Variants in CREB5 observed in about 807,000 individuals in gnomAD.
CREB5 encodes the protein cAMP responsive element binding protein 5.
A neutral mutation model predicts 57.1 loss-of-function variants in CREB5; 19 were observed. The ratio of observed to expected loss-of-function variants is 0.33; its 90% CI spans 0.23 to 0.49. The LOEUF (loss-of-function observed/expected upper bound fraction) is 0.49. Ranked by LOEUF, CREB5 falls within the 20% of genes least tolerant of loss-of-function variation. CREB5 has a pLI of 0.99. For missense variants in CREB5, 579 were observed against 671.6 expected (o/e 0.86, Z 1.52); for synonymous variants, 238 against 238.3 (o/e 1.00, Z 0.01).
chr7:28,349,582 A>G (rs1009930762), intron 1 of CREB5, among the ~76,000 whole-genome samples: 15 of 152,284 alleles, frequency 9.9e-5, no homozygotes, highest in Admixed American at 7.2e-4. Context: ...CTTACGGCCT[A>G]TGAACCAACT....
intron 5 of CREB5, among the ~76,000 whole-genome samples, chr7:28,714,155 GA>G (rs1179876225): frequency 1.3e-5 from 2 of 152,006 alleles, no homozygotes; most frequent in African/African-American, 4.8e-5. Context: ...TGTAGAGACA[GA>G]GTTTTTCCAT....
chr7:28,540,869 G>A (rs1794179748), intron 4 of CREB5, among the ~76,000 whole-genome samples: 1 of 152,120 alleles, frequency 6.6e-6, no homozygotes, highest in South Asian at 2.1e-4. Flanking sequence ...GAGCATGTGG[G>A]AGAGCTTCTT....
chr7:28,580,800 G>T (rs570142705), intron 5 of CREB5, among the ~76,000 whole-genome samples: 8 of 152,032 alleles, frequency 5.3e-5, no homozygotes, highest in Non-Finnish European at 1.0e-4. Flanking sequence ...GAACACAAAG[G>T]CCCGACCAAT....
chr7:28,553,254 C>T (rs1794741764), intron 4 of CREB5, among the ~76,000 whole-genome samples: 1 of 152,152 alleles, frequency 6.6e-6, no homozygotes, highest in South Asian at 2.1e-4. Flanking sequence ...ATGCACCAGG[C>T]CTTTTCCTGA....
chr7:28,783,356 A>AT (rs918241371), intron 7 of CREB5, among the ~76,000 whole-genome samples: 3 of 151,908 alleles, frequency 2.0e-5, no homozygotes, highest in Admixed American at 1.3e-4. Flanking sequence ...CTCACCATCC[A>AT]TTTTTTTTGT....
At chr7:28,461,693 A>T (rs1163720658) in intron 1 of CREB5, among the ~76,000 whole-genome samples, 2 of 152,160 alleles carry the variant, frequency 1.3e-5, no homozygotes, top group Non-Finnish European at 2.9e-5. Flanking sequence ...TGATTAGTAA[A>T]ACGATTTCGT....
intron 4 of CREB5, among the ~76,000 whole-genome samples, chr7:28,551,490 C>T (rs1021570159): frequency 9.2e-5 from 14 of 152,156 alleles, no homozygotes; most frequent in African/African-American, 3.4e-4. Context: ...TGGTGACTAA[C>T]CCTTTTTGTG....
intron 5 of CREB5, among the ~76,000 whole-genome samples, chr7:28,673,982 C>CT (rs1441617097): frequency 1.3e-5 from 2 of 152,036 alleles, no homozygotes; most frequent in African/African-American, 4.8e-5. Context: ...CAATTTATCT[C>CT]TTGCATATGA....
intron 1 of CREB5, among the ~76,000 whole-genome samples, chr7:28,348,406 T>TCA (rs1300372973): frequency 1.2e-4 from 4 of 32,118 alleles, no homozygotes; most frequent in African/African-American, 3.8e-4. Context: ...TGTCTCTCTC[T>TCA]CTCACACACA....
At chr7:28,320,079 T>C (rs1054137946) in intron 1 of CREB5, among the ~76,000 whole-genome samples, 1 of 152,032 alleles carries the variant, frequency 6.6e-6, no homozygotes, top group African/African-American at 2.4e-5. Flanking sequence ...TACAGCTGCG[T>C]GCCACCATGC....
At chr7:28,568,687 T>A (rs1024471461) in intron 4 of CREB5, among the ~76,000 whole-genome samples, 16 of 152,090 alleles carry the variant, frequency 1.1e-4, no homozygotes, top group Non-Finnish European at 2.9e-5. Flanking sequence ...GCCTTTGGGG[T>A]CCCACAACGA....
At chr7:28,408,484 C>G (rs1355448015), upstream of CREB5, among the ~76,000 whole-genome samples, 2 of 152,156 alleles carry the variant, frequency 1.3e-5, no homozygotes, top group South Asian at 4.1e-4. Context: ...ACCAGGCGCC[C>G]GGATCCTGCA....
chr7:28,638,046 TC>T (rs1047522802), intron 5 of CREB5, among the ~76,000 whole-genome samples: 5 of 152,160 alleles, frequency 3.3e-5, no homozygotes, highest in African/African-American at 1.2e-4. Flanking sequence ...AGAGACTCTT[TC>T]CTGAGTGTAA....
intron 1 of CREB5, among the ~76,000 whole-genome samples, chr7:28,346,264 C>A (rs899554546): frequency 6.6e-6 from 1 of 152,194 alleles, no homozygotes; most frequent in African/African-American, 2.4e-5. Flanking sequence ...TCTCATAGTT[C>A]TGGAGGCTGA....
In CREB5 at chr7:28,450,300, G is replaced by C. The variant is rs117948395; in HGVS notation, c.3+37383G>C. Among the ~76,000 whole-genome samples, 1,115 of 152,272 alleles carry C rather than the reference G, an allele frequency of 7.3e-3. 9 individuals carry two copies. The highest frequency in any genetic ancestry group is 0.012 in the Non-Finnish European group (814 of 68,022). On this transcript the variant is annotated intron_variant, in intron 1 of 10. Transcript: ENST00000357727. ...ATGCCTAGCTGAGTTTTGAATCATG[G>C]ACATCTGAAGGCTTTACATAATATG...
At chr7:28,435,715 G>C in intron 1 of CREB5, 1 of 954,412 alleles carries the variant, frequency 1.0e-6, no homozygotes, top group Non-Finnish European at 1.2e-6. Context: ...TATAATACTC[G>C]TGTGACAGAT....
intron 6 of CREB5, among the ~76,000 whole-genome samples, chr7:28,720,779 C>T (rs1048688996): frequency 6.6e-6 from 1 of 152,164 alleles, no homozygotes; most frequent in South Asian, 2.1e-4. Flanking sequence ...GTGAAGACTT[C>T]CACCACAAGC....
chr7:28,771,026 A>C (rs537690568), intron 7 of CREB5, among the ~76,000 whole-genome samples: 49 of 152,236 alleles, frequency 3.2e-4, no homozygotes, highest in Non-Finnish European at 5.6e-4. Context: ...CCTGTGGTGC[A>C]CCTGAAAATC....
At chr7:28,651,569 C>T (rs1167787245) in intron 5 of CREB5, among the ~76,000 whole-genome samples, 1 of 151,982 alleles carries the variant, frequency 6.6e-6, no homozygotes, top group Non-Finnish European at 1.5e-5. Flanking sequence ...AAGTGAGACC[C>T]CATCTCTACA....
Sources: gnomAD v4.1 joint callset for allele counts (sites outside exome capture counted in the v4.1 genomes callset) on GRCh38, gnomAD v4.1.1 for gene constraint, MANE v1.5 for transcripts, NCBI Gene and HGNC (gene_info 2026-07-23, HGNC 2026-07-21) for gene names.